IMPACT: variants seen among roughly 807,000 people sequenced by gnomAD.
IMPACT encodes the protein protein IMPACT.
In IMPACT, 35 loss-of-function variants were observed where a neutral mutation model predicts 47.5. The ratio of observed to expected loss-of-function variants is 0.74; its 90% confidence interval spans 0.56 to 0.98. The LOEUF is 0.98. Among genes scored for constraint, IMPACT ranks in the 50% least tolerant of loss-of-function variants. The pLI, the probability that IMPACT is intolerant of heterozygous loss-of-function variation, is 0.00. For missense variants in IMPACT, 373 were observed against 394.8 expected, an observed-to-expected ratio of 0.94 and a Z score of 0.47; for synonymous variants, 118 against 125.6, an observed-to-expected ratio of 0.94 and a Z score of 0.40.
At chr18:24,439,545 G>A (rs913804004) in intron 5 of IMPACT, 3 of 151,550 alleles carry the variant, frequency 2.0e-5, no homozygotes, top group African/African-American at 7.3e-5. Flanking sequence ...GCTGAGGCAG[G>A]AGAATGGCGT....
intron 9 of IMPACT, 136 bp from the exon 10 acceptor site, chr18:24,449,683 C>A: frequency 4.4e-6 from 3 of 683,074 alleles, no homozygotes; most frequent in Non-Finnish European, 5.0e-6. Flanking sequence ...CCTACTCACT[C>A]ATATGGCTCT....
chr18:24,449,102 T>C (rs1599768636), intron 9 of IMPACT, among the ~76,000 whole-genome samples: 1 of 152,216 alleles, frequency 6.6e-6, no homozygotes, highest in African/African-American at 2.4e-5. Flanking sequence ...GGCTCACACC[T>C]GTAACCCTAG....
intron 1 of IMPACT, chr18:24,427,406 G>C (rs907460463): frequency 6.5e-6 from 1 of 153,026 alleles, no homozygotes; most frequent in South Asian, 2.1e-4. Context: ...ACGTTTTAAG[G>C]GTTTGATTAC....
chr18:24,443,763 G>A lies in IMPACT; in HGVS notation c.594+611G>A, dbSNP rs184040219. 3.9e-5 allele frequency among the ~76,000 whole-genome samples: 6 copies of A among 152,184 alleles called. No individual in the cohort carries two copies. In the East Asian group the frequency reaches 1.2e-3, roughly 29 times the overall value. ...TTAGGTGACCATATTTCCACCCAGG[G>A]ATATAAATGGGAGAGGTTTCAGCCA... On this transcript the variant is annotated intron_variant, in intron 7 of 10. Coordinates refer to ENST00000284202, the MANE Select transcript of IMPACT (RefSeq NM_018439.4).
chr18:24,433,184 C>CTTTT lies in IMPACT; in HGVS notation c.281+2823_281+2826dup, dbSNP rs35543338. On this transcript the variant is annotated intron_variant, in intron 4 of 10. Transcript: ENST00000284202. ...AGAAATACACATCTTACTTTTAAAA[C>CTTTT]TTTTTTTTTTTTTTTTTTTTTTTTT... is the stretch of plus-strand genomic sequence containing the variant. Among the ~76,000 whole-genome samples the CTTTT allele has an allele frequency of 1.2e-3, 95 of 81,118 alleles. 1 individual carries two copies. The highest frequency in any genetic ancestry group is 1.2e-3 in the Non-Finnish European group (57 of 47,262). The allele number at this position is 81,118 out of a possible 152,430, so 53.2% of individuals were successfully genotyped here. A position where few individuals can be genotyped will look rare whatever the true frequency, so the allele number is the denominator to read the frequency against.
At chr18:24,446,879 C>T (rs1016686651) in intron 8 of IMPACT, among the ~76,000 whole-genome samples, 1 of 152,066 alleles carries the variant, frequency 6.6e-6, no homozygotes, top group Non-Finnish European at 1.5e-5. Flanking sequence ...TTTTTGAGTG[C>T]CTACTCTGTG....
At chr18:24,433,963 G>A (rs919209297) in intron 4 of IMPACT, among the ~76,000 whole-genome samples, 2 of 152,046 alleles carry the variant, frequency 1.3e-5, no homozygotes, top group Non-Finnish European at 2.9e-5. Context: ...GAGCCACCAC[G>A]CCTGGCCTTT....
chr18:24,449,400 G>A (rs180772771), intron 9 of IMPACT, among the ~76,000 whole-genome samples: 15 of 152,272 alleles, frequency 9.9e-5, no homozygotes, highest in African/African-American at 3.6e-4. Context: ...ATAGCACCAG[G>A]GATATTGATG....
In IMPACT at chr18:24,428,856, A is replaced by G; in HGVS notation, c.166-13A>G. 1 of 1,606,700 alleles carries G rather than the reference A, an allele frequency of 6.2e-7. No homozygotes were observed. Among genetic ancestry groups the G allele is most frequent in the Non-Finnish European group, 8.5e-7 (1 of 1,175,522 alleles). ...ATGAAGTGTAAACAGATGTTTTTGAACCTGCATTGTAGGTGATGCTGCCGA... is the reference window on the plus strand; with the variant it reads ...ATGAAGTGTAAACAGATGTTTTTGAGCCTGCATTGTAGGTGATGCTGCCGA... On this transcript the variant is annotated splice_polypyrimidine_tract_variant and intron_variant, in intron 2 of 10. Transcript: ENST00000284202.
intron 6 of IMPACT, 151 bp downstream of exon 6, chr18:24,440,769 G>C: frequency 1.3e-6 from 1 of 744,840 alleles, no homozygotes. Flanking sequence ...CCTGCCTGTT[G>C]GCAATTTTGG....
chr18:24,442,124 A>G (rs1385117723), intron 6 of IMPACT, among the ~76,000 whole-genome samples: 2 of 151,766 alleles, frequency 1.3e-5, no homozygotes, highest in Non-Finnish European at 2.9e-5. Flanking sequence ...AAGTCTCTCA[A>G]CAGAATTGAG....
intron 7 of IMPACT, among the ~76,000 whole-genome samples, chr18:24,444,958 A>G (rs571585481): frequency 1.3e-5 from 2 of 152,070 alleles, no homozygotes; most frequent in East Asian, 1.9e-4. Context: ...GGCTCATGTG[A>G]CCTCCTCTAT....
At chr18:24,433,448 C>CCA in intron 4 of IMPACT, among the ~76,000 whole-genome samples, 1 of 150,592 alleles carries the variant, frequency 6.6e-6, no homozygotes, top group Non-Finnish European at 1.5e-5. Flanking sequence ...ATCCACCCGC[C>CCA]TCGGCCTCCC....
At chr18:24,442,490 G>A (rs1909142212) in intron 6 of IMPACT, among the ~76,000 whole-genome samples, 1 of 152,108 alleles carries the variant, frequency 6.6e-6, no homozygotes, top group Non-Finnish European at 1.5e-5. Context: ...ATAATAACTG[G>A]AAATCATGAT....
At chr18:24,443,347 C>CT (rs1347943603) in intron 7 of IMPACT, among the ~76,000 whole-genome samples, 195 bp downstream of exon 7, 3 of 151,304 alleles carry the variant, frequency 2.0e-5, no homozygotes, top group East Asian at 3.9e-4. Context: ...TGCTTTCTTT[C>CT]TTTTTTTTTG....
intron 4 of IMPACT, among the ~76,000 whole-genome samples, chr18:24,434,054 C>T (rs1393891588): frequency 6.6e-6 from 1 of 151,894 alleles, no homozygotes; most frequent in Non-Finnish European, 1.5e-5. Flanking sequence ...AAAAATTAAA[C>T]ATGGGCCAGG....
intron 5 of IMPACT, among the ~76,000 whole-genome samples, chr18:24,438,641 A>T (rs1435527529): frequency 6.6e-6 from 1 of 151,914 alleles, no homozygotes; most frequent in Non-Finnish European, 1.5e-5. Context: ...TACTTTTAAA[A>T]TTTTTTCTAC....
chr18:24,435,746 G>A (rs1908914844), intron 4 of IMPACT, among the ~76,000 whole-genome samples: 1 of 152,196 alleles, frequency 6.6e-6, no homozygotes, highest in Admixed American at 6.5e-5. Flanking sequence ...TTAATCGGGT[G>A]TGTTGGGCAT....
chr18:24,433,264 A>G (rs2144333952), intron 4 of IMPACT, among the ~76,000 whole-genome samples: 1 of 141,362 alleles, frequency 7.1e-6, no homozygotes, highest in African/African-American at 2.7e-5. Context: ...CAGTGGCGCA[A>G]TCTCGGCTCA....
Sources: gnomAD v4.1 joint callset for allele counts (sites outside exome capture counted in the v4.1 genomes callset) on GRCh38, gnomAD v4.1.1 for gene constraint, MANE v1.5 for transcripts, NCBI Gene and HGNC (gene_info 2026-07-23, HGNC 2026-07-21) for gene names.